ZP3: variants seen among roughly 807,000 people sequenced by gnomAD.
ZP3 encodes zona pellucida glycoprotein 3, also known as zona pellucida sperm-binding protein 3.
A neutral mutation model predicts 35.6 loss-of-function variants in ZP3; 21 were observed. That is an observed-to-expected ratio of 0.59 (90% confidence interval 0.42 to 0.85). The LOEUF (loss-of-function observed/expected upper bound fraction) is 0.85. Ranked by LOEUF, ZP3 falls within the 40% of genes least tolerant of loss-of-function variation. ZP3 has a pLI of 0.00. For missense variants in ZP3, 437 were observed against 536.5 expected (o/e 0.81, Z 1.83); for synonymous variants, 207 against 214.5 (o/e 0.96, Z 0.31).
rs553703988 is a variant in ZP3, at chr7:76,417,944, T to C, written c.-66-7108T>C. Among the ~76,000 whole-genome samples, 75 of 149,070 alleles carry C rather than the reference T, an allele frequency of 5.0e-4. 1 individual carries two copies. In the South Asian group the frequency reaches 9.0e-3, roughly 18 times the overall value. On this transcript the variant is annotated intron_variant, in intron 1 of 8. Coordinates refer to the ZP3 transcript ENST00000336517. Reference sequence around the variant, plus strand: ...TAGTGCTTTCTTTCTTTCTTTCTTTTTTTTTTTTTTTGAGACACAATCTCA... The same window carrying C: ...TAGTGCTTTCTTTCTTTCTTTCTTTCTTTTTTTTTTTGAGACACAATCTCA...
chr7:76,415,354 G>A, intron 1 of ZP3, among the ~76,000 whole-genome samples: 1 of 47,534 alleles, frequency 2.1e-5, no homozygotes, highest in African/African-American at 2.5e-4. Flanking sequence ...GATAGAGTGA[G>A]ACTCCGTCTC....
chr7:76,432,753 G>A (rs1478599582), intron 2 of ZP3, among the ~76,000 whole-genome samples, 174 bp from the exon 3 acceptor site: 1 of 152,196 alleles, frequency 6.6e-6, no homozygotes, highest in African/African-American at 2.4e-5. Context: ...AGTTCAGGAG[G>A]GTGCAGGGGC....
intron 1 of ZP3, 73 bp from the exon 2 acceptor site, chr7:76,429,442 A>G: frequency 1.4e-6 from 2 of 1,441,704 alleles, no homozygotes; most frequent in Non-Finnish European, 2.0e-6. Context: ...GCCCTCCCTG[A>G]GCACTCAGGT....
chr7:76,426,068 G>A (rs1217390358), intron 1 of ZP3, among the ~76,000 whole-genome samples: 1 of 146,308 alleles, frequency 6.8e-6, no homozygotes, highest in African/African-American at 2.5e-5. Context: ...AGGCAACAGA[G>A]CGAGACTCTG....
At chr7:76,406,232 C>T (rs1174233299) in intron 1 of ZP3, among the ~76,000 whole-genome samples, 1 of 152,132 alleles carries the variant, frequency 6.6e-6, no homozygotes, top group Non-Finnish European at 1.5e-5. Context: ...CGCGCCTCAG[C>T]CTCCCAAAGT....
chr7:76,409,669 G>C (rs1313120880), intron 1 of ZP3: 2 of 152,468 alleles, frequency 1.3e-5, no homozygotes, highest in Admixed American at 1.3e-4. Flanking sequence ...GGAGGTGGCC[G>C]GCACCAGCTG....
intron 5 of ZP3, among the ~76,000 whole-genome samples, chr7:76,435,229 AGCCACT>A (rs1805956862): frequency 6.6e-6 from 1 of 152,280 alleles, no homozygotes; most frequent in Non-Finnish European, 1.5e-5. Flanking sequence ...CTGTAGTCCC[AGCCACT>A]CCAGGTTCCC....
At chr7:76,414,729 T>C (rs1294329685) in intron 1 of ZP3, among the ~76,000 whole-genome samples, 3 of 112,396 alleles carry the variant, frequency 2.7e-5, no homozygotes, top group African/African-American at 1.0e-4. Flanking sequence ...TGAGACGGAG[T>C]CTTGCTCTGT....
intron 1 of ZP3, 74 bp downstream of exon 1, chr7:76,425,350 A>G (rs1279915185): frequency 1.2e-5 from 17 of 1,477,362 alleles, no homozygotes; most frequent in Non-Finnish European, 1.5e-5. Flanking sequence ...TGTGGCCACC[A>G]TCGGTGGGAG....
chr7:76,414,375 TC>T (rs1805316004), intron 1 of ZP3, among the ~76,000 whole-genome samples: 1 of 152,124 alleles, frequency 6.6e-6, no homozygotes, highest in East Asian at 1.9e-4. Flanking sequence ...ATAAATGGAT[TC>T]TGACAAGTGG....
rs1554625140 is a variant in ZP3 at position 76,428,161 on chromosome 7, A to AT, written c.313-1351dup. 3.9e-3 allele frequency among the ~76,000 whole-genome samples: 450 copies of AT among 114,684 alleles called. 4 individuals are homozygous for AT. Among genetic ancestry groups the AT allele is most frequent in the African/African-American group, 0.016 (376 of 22,926 alleles). 75.2% of individuals were successfully genotyped at this position (114,684 alleles called of 152,430 possible). ...GCTAACATGGCGAAACCCTGTCTCT[A>AT]TTTAAAAAAAAAAAAAAAAGGCACG... On this transcript the variant is annotated intron_variant, in intron 1 of 7. Coordinates refer to ENST00000394857, the MANE Select transcript of ZP3 (RefSeq NM_001110354.2).
intron 1 of ZP3, chr7:76,400,680 T>C: frequency 2.4e-6 from 3 of 1,254,550 alleles, no homozygotes; most frequent in Non-Finnish European, 3.2e-6. Flanking sequence ...TTTATTATTA[T>C]TTTTTTTGGT....
At chr7:76,409,087 A>G (rs1428160645) in intron 1 of ZP3, among the ~76,000 whole-genome samples, 1 of 152,150 alleles carries the variant, frequency 6.6e-6, no homozygotes, top group Non-Finnish European at 1.5e-5. Context: ...TATTGTTATC[A>G]TTACTGTTTC....
intron 1 of ZP3, 51 bp from the exon 2 acceptor site, chr7:76,429,464 G>A (rs1805766102): frequency 6.3e-7 from 1 of 1,576,324 alleles, no homozygotes; most frequent in South Asian, 1.1e-5. Context: ...TGGCTTGGGA[G>A]TACCCGGGCA....
At chr7:76,429,377 C>T (rs151320447) in intron 1 of ZP3, 138 bp from the exon 2 acceptor site, 17 of 768,928 alleles carry the variant, frequency 2.2e-5, no homozygotes, top group African/African-American at 2.0e-4. Context: ...GGGTTACAGG[C>T]ATGAGTCACT....
chr7:76,399,753 G>C (rs1319961043), intron 1 of ZP3, among the ~76,000 whole-genome samples: 1 of 151,960 alleles, frequency 6.6e-6, no homozygotes, highest in Non-Finnish European at 1.5e-5. Flanking sequence ...CAAACTCCTG[G>C]GCTCAAGCAA....
At chr7:76,398,639 C>T (rs971064442) in intron 1 of ZP3, 1 of 1,439,364 alleles carries the variant, frequency 6.9e-7, no homozygotes, top group South Asian at 1.2e-5. Context: ...ATTTGTAATC[C>T]CTGTCTTCCC....
rs773500648 is a variant in ZP3, at chr7:76,400,564, C to T, written c.-67+2767C>T. On this transcript the variant is annotated intron_variant, in intron 1 of 8. Transcript: ENST00000336517. ...CATGACTTCCAGGCGGCCCCGGCAG[C>T]GGCTGGGGCCCCCCACCAGCCTCAG... 4.7e-6 allele frequency: 7 copies of T among 1,489,470 alleles called. No individual in the cohort carries two copies. Among genetic ancestry groups the T allele is most frequent in the East Asian group, 2.5e-5 (1 of 39,622 alleles). 92.3% of individuals were successfully genotyped at this position (1,489,470 alleles called of 1,614,324 possible). A position where few individuals can be genotyped will look rare whatever the true frequency, so the allele number is the denominator to read the frequency against.
Position 76,433,556 on chromosome 7 carries a change from G to A in ZP3, c.622G>A (p.Val208Met), listed in dbSNP as rs759204850. The change falls in exon 4 of 8, where the codon GTG (valine) becomes ATG (methionine). Residue 208 changes from valine (V) to methionine (M), a missense_variant. This residue lies in a region of ZP3 where 352 missense variants were observed against 308.4 expected (regional missense o/e 1.14). Coordinates refer to ENST00000394857, the MANE Select transcript of ZP3 (RefSeq NM_001110354.2). ...LQAEIHTGSH[V>M]PLRLFVDHCV... ...GGCAGAAATCCACACTGGCAGCCACGTGCCACTGCGGTTGTTTGTGGACCA... is the reference window on the plus strand; with the variant it reads ...GGCAGAAATCCACACTGGCAGCCACATGCCACTGCGGTTGTTTGTGGACCA... 2.3e-5 allele frequency: 37 copies of A among 1,614,066 alleles called. No individual in the cohort carries two copies. The East Asian group carries it at 2.7e-4, about 12-fold the overall frequency.
Sources: allele counts gnomAD v4.1 joint callset (sites outside exome capture counted in the v4.1 genomes callset), GRCh38; gene constraint gnomAD v4.1.1; regional missense constraint gnomAD v4.1.1; transcripts MANE v1.5; gene names NCBI Gene and HGNC (gene_info 2026-07-23, HGNC 2026-07-21).